ST18: variants seen among roughly 807,000 people sequenced by gnomAD.
ST18 encodes suppression of tumorigenicity 18 protein.
A neutral mutation model predicts 110.0 loss-of-function variants in ST18; 50 were observed. That is an observed-to-expected ratio of 0.45 (90% CI 0.36 to 0.58). ST18 has a LOEUF of 0.58. Ranked by LOEUF, ST18 falls within the 20% of genes least tolerant of loss-of-function variation. The pLI, the probability that ST18 is intolerant of heterozygous loss-of-function variation, is 0.00. For synonymous variants in ST18, 461 were observed against 452.4 expected (o/e 1.02, Z -0.24); for missense variants, 1,306 against 1,280.1 (o/e 1.02, Z -0.31).
rs149603683 is a variant in ST18, at chr8:52,158,867, G to C, written c.1806+31C>G. The C allele has an allele frequency of 9.9e-6, 16 of 1,612,012 alleles. No individual in the cohort carries two copies. In the Admixed American group the frequency reaches 2.7e-4, roughly 27 times the overall value. On this transcript the variant is annotated intron_variant, in intron 15 of 25. Transcript: ENST00000689386. Reference sequence around the variant, plus strand: ...GTTTATTCTCACAGTTCAGTCGCTGGCCCACCCTCCGGGCTCTTGGACTGG... The same window carrying C: ...GTTTATTCTCACAGTTCAGTCGCTGCCCCACCCTCCGGGCTCTTGGACTGG...
At chr8:52,276,668 C>A (rs1164280527) in intron 2 of ST18, among the ~76,000 whole-genome samples, 5 of 152,048 alleles carry the variant, frequency 3.3e-5, no homozygotes, top group African/African-American at 9.7e-5. Context: ...TCAACAAAAC[C>A]AAGTCCATGC....
intron 5 of ST18, among the ~76,000 whole-genome samples, chr8:52,219,557 C>T (rs1470115580): frequency 1.3e-5 from 2 of 152,162 alleles, no homozygotes; most frequent in African/African-American, 4.8e-5. Flanking sequence ...ACTGAAGAAT[C>T]GAAGGATGTG....
At chr8:52,190,609 A>G (rs1338983303) in intron 8 of ST18, among the ~76,000 whole-genome samples, 1 of 152,182 alleles carries the variant, frequency 6.6e-6, no homozygotes, top group East Asian at 1.9e-4. Flanking sequence ...TTCCATCTCT[A>G]TCGGAAGCAG....
rs144409999 is a variant in ST18, at chr8:52,120,126, G to A, written c.2756-1685C>T. 3.5e-4 allele frequency among the ~76,000 whole-genome samples: 53 copies of A among 152,230 alleles called. No homozygotes were observed. In the East Asian group the frequency reaches 5.2e-3, roughly 15 times the overall value. ...GAATTGTACTGCATCTTGGAGCCCCGTATTTTACTGGTTGGTGTGCAGGTA... is the reference window on the plus strand; with the variant it reads ...GAATTGTACTGCATCTTGGAGCCCCATATTTTACTGGTTGGTGTGCAGGTA... On this transcript the variant is annotated intron_variant, in intron 23 of 25. Coordinates refer to ENST00000689386, the MANE Select transcript of ST18 (RefSeq NM_001352837.2).
At chr8:52,190,940 C>T (rs1215672978) in intron 8 of ST18, among the ~76,000 whole-genome samples, 2 of 152,184 alleles carry the variant, frequency 1.3e-5, no homozygotes, top group Non-Finnish European at 2.9e-5. Context: ...CTGGCATATG[C>T]CCACTTATAA....
At chr8:52,353,108 G>A (rs920770430) in intron 2 of ST18, among the ~76,000 whole-genome samples, 1 of 152,186 alleles carries the variant, frequency 6.6e-6, no homozygotes, top group African/African-American at 2.4e-5. Context: ...GTATATCAAA[G>A]GGAGTAAGAT....
At chr8:52,243,553 G>C (rs549549972) in intron 2 of ST18, among the ~76,000 whole-genome samples, 1 of 152,138 alleles carries the variant, frequency 6.6e-6, no homozygotes, top group East Asian at 1.9e-4. Context: ...CTGGGTTCAA[G>C]GCTGGTGACA....
intron 2 of ST18, among the ~76,000 whole-genome samples, chr8:52,357,685 ATATAT>A (rs1823515137): frequency 8.9e-5 from 3 of 33,662 alleles, no homozygotes; most frequent in African/African-American, 2.0e-4. Flanking sequence ...AAATATATAT[ATATAT>A]ATATATATAT....
chr8:52,375,389 C>A (rs983215066), intron 2 of ST18, among the ~76,000 whole-genome samples: 1 of 152,148 alleles, frequency 6.6e-6, no homozygotes, highest in South Asian at 2.1e-4. Flanking sequence ...CCCCCAAAAA[C>A]CTTGACTTAC....
intron 5 of ST18, among the ~76,000 whole-genome samples, chr8:52,220,150 G>A (rs1310067024): frequency 6.6e-6 from 1 of 151,978 alleles, no homozygotes; most frequent in South Asian, 2.1e-4. Flanking sequence ...GAAAACTCAG[G>A]GCAAGTAACA....
intron 11 of ST18, 131 bp downstream of exon 11, chr8:52,166,721 G>T: frequency 8.1e-7 from 1 of 1,235,888 alleles, no homozygotes; most frequent in Non-Finnish European, 1.1e-6. Context: ...CCCACAGCTA[G>T]ATGGAATTGG....
intron 2 of ST18, among the ~76,000 whole-genome samples, chr8:52,293,490 A>T (rs1215266867): frequency 6.6e-6 from 1 of 152,204 alleles, no homozygotes. Flanking sequence ...CTGCACTCCA[A>T]AATAAAAGTG....
chr8:52,261,396 C>T (rs1254280974), intron 2 of ST18, among the ~76,000 whole-genome samples: 2 of 152,198 alleles, frequency 1.3e-5, no homozygotes, highest in Non-Finnish European at 2.9e-5. Context: ...TGGTTAAGAG[C>T]TTTCAATCCT....
intron 2 of ST18, among the ~76,000 whole-genome samples, chr8:52,381,482 A>T (rs996901402): frequency 6.6e-6 from 1 of 152,208 alleles, no homozygotes; most frequent in Admixed American, 6.5e-5. Flanking sequence ...CAAATACTTC[A>T]TAACTACTTA....
At chr8:52,197,154 T>G (rs1426883375) in intron 8 of ST18, among the ~76,000 whole-genome samples, 1 of 152,200 alleles carries the variant, frequency 6.6e-6, no homozygotes. Context: ...TAAGTGACAG[T>G]GATTGTAAAA....
intron 2 of ST18, among the ~76,000 whole-genome samples, chr8:52,377,859 G>A (rs1833005209): frequency 6.6e-6 from 1 of 152,144 alleles, no homozygotes; most frequent in Non-Finnish European, 1.5e-5. Context: ...GTCTTTATGA[G>A]TGGATGCATG....
intron 8 of ST18, among the ~76,000 whole-genome samples, chr8:52,208,867 C>T (rs2081132783): frequency 6.6e-6 from 1 of 152,044 alleles, no homozygotes; most frequent in Non-Finnish European, 1.5e-5. Flanking sequence ...CAACTTGGGA[C>T]CTTGCCTGTC....
intron 16 of ST18, among the ~76,000 whole-genome samples, chr8:52,144,905 A>G (rs1279356986): frequency 6.6e-6 from 1 of 152,120 alleles, no homozygotes; most frequent in Non-Finnish European, 1.5e-5. Context: ...TAATTCCGCC[A>G]TCTACTTTAT....
chr8:52,264,656 A>G (rs1164356987), intron 2 of ST18, among the ~76,000 whole-genome samples: 2 of 152,318 alleles, frequency 1.3e-5, no homozygotes, highest in East Asian at 3.9e-4. Context: ...AAGAGTCCTG[A>G]TAAATACATT....
Sources: allele counts gnomAD v4.1 joint callset (sites outside exome capture counted in the v4.1 genomes callset), GRCh38; gene constraint gnomAD v4.1.1; transcripts MANE v1.5; gene names NCBI Gene and HGNC (gene_info 2026-07-23, HGNC 2026-07-21).